The following PLXNB1 variants were observed in gnomAD, a reference collection of about 807,000 sequenced individuals.
The protein encoded by PLXNB1 is plexin-B1.
In PLXNB1, 106 loss-of-function variants were observed where a neutral mutation model predicts 209.4. That is an observed-to-expected ratio of 0.51 (90% CI 0.43 to 0.59). The LOEUF (loss-of-function observed/expected upper bound fraction) is 0.59, where lower values mean the gene tolerates loss of function less well. Ranked by LOEUF, PLXNB1 falls within the 20% of genes least tolerant of loss-of-function variation. The probability of loss-of-function intolerance (pLI) is 0.00; values close to 1 mark genes in which losing one functional copy is unlikely to be tolerated. For synonymous variants in PLXNB1, 1,167 were observed against 1,183.2 expected (o/e 0.99, Z 0.28); for missense variants, 2,357 against 2,853.2 (o/e 0.83, Z 3.96).
Position 48,417,929 on chromosome 3 carries a change from T to C in PLXNB1, c.3356A>G (p.Glu1119Gly). 1.9e-6 allele frequency: 3 copies of C among 1,611,740 alleles called. No individual in the cohort carries two copies. Among genetic ancestry groups the C allele is most frequent in the Non-Finnish European group, 2.5e-6 (3 of 1,178,858 alleles). ...AGVPCAVDAQ[E>G]YEVSSSLVCI... ...AGCTTACCTGCTGGAGACCTCGTACTCCTGGGCATCCACAGCACAGGGCAC... is the reference window on the plus strand; with the variant it reads ...AGCTTACCTGCTGGAGACCTCGTACCCCTGGGCATCCACAGCACAGGGCAC... Residue 1119 changes from glutamate (E) to glycine (G), a missense_variant, in exon 16 of 38, where the codon GAG becomes GGG. Around this residue, in one of 7 missense-constraint regions of PLXNB1, gnomAD observed 743 missense variants for 896.2 expected, o/e 0.83. Coordinates refer to ENST00000296440, the MANE Select transcript of PLXNB1 (RefSeq NM_001130082.3). The surrounding 1 kb of genome is among the most constrained non-coding windows in gnomAD (Gnocchi z 4.4).
rs372019762 is a variant in PLXNB1, at chr3:48,404,561, C to A, written c.6333G>T (p.Thr2111=). 9 of 1,613,296 alleles carry A rather than the reference C, an allele frequency of 5.6e-6. No individual in the cohort carries two copies. The highest frequency in any genetic ancestry group is 1.1e-5 in the South Asian group (1 of 91,044). The change falls in exon 38 of 38, where the codon ACG becomes ACT. Residue 2111 remains threonine, a synonymous_variant. Coordinates refer to ENST00000296440, the MANE Select transcript of PLXNB1 (RefSeq NM_001130082.3). ...QIITALEEDG[T]AQKMQLGYRL... is the part of the protein sequence containing the mutation. ...GATAGCCCAGCTGCATCTTCTGGGC[C>A]GTGCCATCCTCCTCCAGGGCAGTGA...
chr3:48,416,329 G>T lies in PLXNB1; in HGVS notation c.3480+17C>A, dbSNP rs2038099157. The T allele has an allele frequency of 6.3e-7, 1 of 1,593,162 alleles. No homozygotes were observed. The highest frequency in any genetic ancestry group is 1.7e-5 in the Admixed American group (1 of 59,620). On this transcript the variant is annotated intron_variant, in intron 17 of 37. Coordinates refer to ENST00000296440, the MANE Select transcript of PLXNB1 (RefSeq NM_001130082.3). The surrounding 1 kb of genome is among the most constrained non-coding windows in gnomAD (Gnocchi z 4.1). Reference sequence around the variant, plus strand: ...GTTGGCCCGCTGGCAGCTGGGGGTGGCTCAGCAGTCAGGTACCTGGTAGGC... The same window carrying T: ...GTTGGCCCGCTGGCAGCTGGGGGTGTCTCAGCAGTCAGGTACCTGGTAGGC...
rs992307065 is a variant in PLXNB1, at chr3:48,409,119, CACA to C, written c.6087+207_6087+209del. Among the ~76,000 whole-genome samples the C allele has an allele frequency of 7.9e-4, 120 of 152,348 alleles. 1 individual carries two copies. The highest frequency in any genetic ancestry group is 3.4e-3 in the Middle Eastern group (1 of 294). ...GCCACACCAGGCTGTACTTGCTGCA[CACA>C]ACTTCACCTGTGAATTGGCACACAG... On this transcript the variant is annotated intron_variant, in intron 34 of 37. Transcript: ENST00000296440. This position sits in a 1 kb window ranked among gnomAD's most constrained non-coding sequence, Gnocchi z 5.8.
In PLXNB1 at chr3:48,411,855, A is replaced by C. The variant is rs1196620527; in HGVS notation, c.5247+8T>G. ...CAGACTGCAGGCCACACACTTGCAC[A>C]CCCTCACCAGGGGACGGTACTCCAC... On this transcript the variant is annotated splice_region_variant and intron_variant, in intron 28 of 37. Coordinates refer to ENST00000296440, the MANE Select transcript of PLXNB1 (RefSeq NM_001130082.3). This position sits in a 1 kb window ranked among gnomAD's most constrained non-coding sequence, Gnocchi z 4.0. 1.9e-6 allele frequency: 3 copies of C among 1,613,124 alleles called. No homozygotes were observed. In the African/African-American group the frequency reaches 4.0e-5, roughly 22 times the overall value.
At position 48,409,977 on chromosome 3, in the gene PLXNB1, G is replaced by T; in HGVS notation, c.5706C>A (p.Ser1902Arg). The T allele has an allele frequency of 1.2e-6, 2 of 1,612,722 alleles. No individual in the cohort carries two copies. Among genetic ancestry groups the T allele is most frequent in the East Asian group, 2.2e-5 (1 of 44,856 alleles). ...CGCGCTCACGCTCCCCGCCCCGAAGGCTGCCCCTCCGAGGCCTGGGCGGCT... is the reference window on the plus strand; with the variant it reads ...CGCGCTCACGCTCCCCGCCCCGAAGTCTGCCCCTCCGAGGCCTGGGCGGCT... ...EPEPPRPRRGSLRGGERERAK... is the reference protein window; with the variant it reads ...EPEPPRPRRGRLRGGERERAK... The change falls in exon 32 of 38, where the codon AGC becomes AGA. Residue 1902 changes from serine (S) to arginine (R), a missense_variant. Physicochemically the swap from Ser to Arg is moderately radical, Grantham distance 110 (BLOSUM62 -1). This residue lies in a region of PLXNB1 where 414 missense variants were observed against 520.5 expected (regional missense o/e 0.80). Coordinates refer to ENST00000296440, the MANE Select transcript of PLXNB1 (RefSeq NM_001130082.3). The surrounding 1 kb of genome is among the most constrained non-coding windows in gnomAD (Gnocchi z 5.8).
rs2037831656 is a variant in PLXNB1 at position 48,413,368 on chromosome 3, GCA to G, written c.4536-201_4536-200del. The G allele has an allele frequency of 3.3e-6, 2 of 610,458 alleles. No homozygotes were observed. 37.8% of individuals were successfully genotyped at this position (610,458 alleles called of 1,614,324 possible). On this transcript the variant is annotated intron_variant, in intron 23 of 37. Coordinates refer to ENST00000296440, the MANE Select transcript of PLXNB1 (RefSeq NM_001130082.3). This position sits in a 1 kb window ranked among gnomAD's most constrained non-coding sequence, Gnocchi z 5.4. ...ACACACCCATGCCCCGTCTAGCCCA[GCA>G]CAGTTTAGCCTAGAGATCAGCCAAC... is the stretch of plus-strand genomic sequence containing the variant.
At chr3:48,427,515 G>T (rs2107033858) in intron 1 of PLXNB1, among the ~76,000 whole-genome samples, 1 of 152,166 alleles carries the variant, frequency 6.6e-6, no homozygotes, top group African/African-American at 2.4e-5. Context: ...AACTTCTCAG[G>T]ACTTTCCTTG....
In PLXNB1 at chr3:48,418,206, C is replaced by A; in HGVS notation, c.3207G>T (p.Ala1069=). The A allele has an allele frequency of 6.2e-7, 1 of 1,610,434 alleles. No homozygotes were observed. The highest frequency in any genetic ancestry group is 1.7e-5 in the Admixed American group (1 of 59,566). Residue 1069 remains alanine (A), a synonymous_variant, in exon 15 of 38, where the codon GCG becomes GCT. Transcript: ENST00000296440. This position sits in a 1 kb window ranked among gnomAD's most constrained non-coding sequence, Gnocchi z 6.6. ...EAEAVATQCP[A]PLIHSVEPLT... is the part of the protein sequence containing the mutation. ...TTCAACAAACCGAGTGGATGAGGGG[C>A]GCTGGGCACTGGGTGGCCACAGCCT... is the stretch of plus-strand genomic sequence containing the variant.
At chr3:48,428,352 C>T (rs1286650550) in intron 1 of PLXNB1, among the ~76,000 whole-genome samples, 1 of 152,122 alleles carries the variant, frequency 6.6e-6, no homozygotes, top group Non-Finnish European at 1.5e-5. Flanking sequence ...CTCAGACTCA[C>T]AGCCAAAGCC....
rs895938457 is a variant in PLXNB1 at position 48,406,530 on chromosome 3, G to A, written c.6228+293C>T. ...GCACAGCAGTGGGAAGACGCATGCA[G>A]GCAGACCCAGGCAGGCCTGGGGCTG... On this transcript the variant is annotated intron_variant, in intron 36 of 37. Transcript: ENST00000296440. This position sits in a 1 kb window ranked among gnomAD's most constrained non-coding sequence, Gnocchi z 4.4. 12 of 977,894 alleles carry A rather than the reference G, an allele frequency of 1.2e-5. No individual in the cohort carries two copies. Among genetic ancestry groups the A allele is most frequent in the Non-Finnish European group, 1.3e-5 (11 of 823,262 alleles). The allele number at this position is 977,894 out of a possible 1,614,324, so 60.6% of individuals were successfully genotyped here. A position where few individuals can be genotyped will look rare whatever the true frequency, so the allele number is the denominator to read the frequency against.
rs917342729 is a variant in PLXNB1, at chr3:48,413,916, A to G, written c.4365T>C (p.Pro1455=). Reference sequence around the variant, plus strand: ...TGACCGTGAACTCAGGCAAAGAGTCAGGTGCCTCTCGGAGGGCATGGTGCC... The same window carrying G: ...TGACCGTGAACTCAGGCAAAGAGTCGGGTGCCTCTCGGAGGGCATGGTGCC... ...LPRHHALREA[P]DSLPEFTVQM... Residue 1455 remains proline, a synonymous_variant, in exon 22 of 38, where the codon CCT becomes CCC. Coordinates refer to ENST00000296440, the MANE Select transcript of PLXNB1 (RefSeq NM_001130082.3). The surrounding 1 kb of genome is among the most constrained non-coding windows in gnomAD (Gnocchi z 5.4). 9.9e-6 allele frequency: 16 copies of G among 1,610,588 alleles called. No individual in the cohort carries two copies. In the African/African-American group the frequency reaches 1.7e-4, roughly 17 times the overall value.
At position 48,411,765 on chromosome 3, in the gene PLXNB1, A is replaced by G; in HGVS notation, c.5247+98T>C. ...CAACCCAGCTCTACATCCAGGTACCACATCAGAAGCTGGTGTCCAGACCCC... is the reference window on the plus strand; with the variant it reads ...CAACCCAGCTCTACATCCAGGTACCGCATCAGAAGCTGGTGTCCAGACCCC... On this transcript the variant is annotated intron_variant, in intron 28 of 37. Coordinates refer to ENST00000296440, the MANE Select transcript of PLXNB1 (RefSeq NM_001130082.3). This position sits in a 1 kb window ranked among gnomAD's most constrained non-coding sequence, Gnocchi z 4.0. 4 of 1,369,894 alleles carry G rather than the reference A, an allele frequency of 2.9e-6. No individual in the cohort carries two copies. The highest frequency in any genetic ancestry group is 4.1e-6 in the Non-Finnish European group (4 of 985,688). 84.9% of individuals were successfully genotyped at this position (1,369,894 alleles called of 1,614,324 possible). A position where few individuals can be genotyped will look rare whatever the true frequency, so the allele number is the denominator to read the frequency against.
chr3:48,404,452 G>T lies in PLXNB1; in HGVS notation c.*34C>A. Reference sequence around the variant, plus strand: ...GAGCTTCCAGGGCTGCCCAGGCCAGGCTGAAGCAACAGCAGGCCGTGGCTC... The same window carrying T: ...GAGCTTCCAGGGCTGCCCAGGCCAGTCTGAAGCAACAGCAGGCCGTGGCTC... On this transcript the variant is annotated 3_prime_UTR_variant, in exon 38 of 38. Transcript: ENST00000296440. 1 of 1,457,610 alleles carries T rather than the reference G, an allele frequency of 6.9e-7. No individual in the cohort carries two copies. Among genetic ancestry groups the T allele is most frequent in the Non-Finnish European group, 9.6e-7 (1 of 1,042,114 alleles). The allele number at this position is 1,457,610 out of a possible 1,614,324, so 90.3% of individuals were successfully genotyped here. A position where few individuals can be genotyped will look rare whatever the true frequency, so the allele number is the denominator to read the frequency against.
chr3:48,415,599 T>C lies in PLXNB1; in HGVS notation c.3778A>G (p.Thr1260Ala), dbSNP rs1036681741. ...GCCCAACACCTGAGGAAGCTCTTGG[T>C]GGGGCCAGCAGAGGTGATGTTGGGG... ...LDPNITSAGP[T>A]KSFLSGGREI... is the part of the protein sequence containing the mutation. Residue 1260 changes from threonine to alanine, a missense_variant, in exon 19 of 38, where the codon ACC (threonine) becomes GCC (alanine). Coordinates refer to ENST00000296440, the MANE Select transcript of PLXNB1 (RefSeq NM_001130082.3). The surrounding 1 kb of genome is among the most constrained non-coding windows in gnomAD (Gnocchi z 5.0). 3.2e-6 allele frequency: 5 copies of C among 1,581,836 alleles called. No homozygotes were observed. The African/African-American group carries it at 6.7e-5, about 21-fold the overall frequency.
rs1358523136 is a variant in PLXNB1 at position 48,404,240 on chromosome 3, A to G, written c.*246T>C. ...AAGCCCTTAGTCCCCAACTCCCTGC[A>G]GACCGGTGTCACAGGGTCGCTGGAC... On this transcript the variant is annotated 3_prime_UTR_variant, in exon 38 of 38. Transcript: ENST00000296440. 1.9e-6 allele frequency: 1 copy of G among 513,604 alleles called. No individual in the cohort carries two copies. The highest frequency in any genetic ancestry group is 3.5e-6 in the Non-Finnish European group (1 of 289,686). 31.8% of individuals were successfully genotyped at this position (513,604 alleles called of 1,614,324 possible).
In PLXNB1 at chr3:48,409,517, G is replaced by A. The variant is rs1270574899; in HGVS notation, c.5940-41C>T. On this transcript the variant is annotated intron_variant, in intron 33 of 37. Coordinates refer to ENST00000296440, the MANE Select transcript of PLXNB1 (RefSeq NM_001130082.3). This position sits in a 1 kb window ranked among gnomAD's most constrained non-coding sequence, Gnocchi z 5.8. ...GCATGGCCGATGAATGTGCTGGGGA[G>A]GCAGAAGAGAAGACCCCCCACACAC... is the stretch of plus-strand genomic sequence containing the variant. 15 of 1,613,896 alleles carry A rather than the reference G, an allele frequency of 9.3e-6. No homozygotes were observed. The highest frequency in any genetic ancestry group is 3.3e-4 in the Middle Eastern group (2 of 6,084).
rs2037710935 is a variant in PLXNB1 at position 48,411,965 on chromosome 3, C to T, written c.5145G>A (p.Lys1715=). ...EPLYMLFRGI[K]HQVDKGPVDS... ...CCACTGGCCCCTTATCCACTTGGTG[C>T]TTAATCCCTCGAAAGAGCATGTACA... Residue 1715 remains lysine, a synonymous_variant, in exon 28 of 38, where the codon AAG becomes AAA. Transcript: ENST00000296440. This position sits in a 1 kb window ranked among gnomAD's most constrained non-coding sequence, Gnocchi z 4.0. The T allele has an allele frequency of 3.1e-6, 5 of 1,614,034 alleles. No homozygotes were observed. The highest frequency in any genetic ancestry group is 2.2e-5 in the East Asian group (1 of 44,894).
Position 48,415,551 on chromosome 3 carries a change from C to T in PLXNB1, c.3794+32G>A, listed in dbSNP as rs1201915560. 1 of 1,537,016 alleles carries T rather than the reference C, an allele frequency of 6.5e-7. No individual in the cohort carries two copies. The highest frequency in any genetic ancestry group is 8.8e-7 in the Non-Finnish European group (1 of 1,134,324). ...TGGAGCTGCAAAGACCTCCCTGCCACCTGCCATGCAGCCACACCCCTGGCC... is the reference window on the plus strand; with the variant it reads ...TGGAGCTGCAAAGACCTCCCTGCCATCTGCCATGCAGCCACACCCCTGGCC... On this transcript the variant is annotated intron_variant, in intron 19 of 37. Coordinates refer to ENST00000296440, the MANE Select transcript of PLXNB1 (RefSeq NM_001130082.3). This position sits in a 1 kb window ranked among gnomAD's most constrained non-coding sequence, Gnocchi z 5.0.
At chr3:48,427,829 T>C (rs549245905) in intron 1 of PLXNB1, among the ~76,000 whole-genome samples, 1 of 152,156 alleles carries the variant, frequency 6.6e-6, no homozygotes, top group Admixed American at 6.5e-5. Flanking sequence ...CTGCATGCGG[T>C]GGACAGAATG....
Sources: gnomAD v4.1 joint callset for allele counts (sites outside exome capture counted in the v4.1 genomes callset) on GRCh38, gnomAD v4.1.1 for gene constraint, gnomAD v4.1.1 regional missense constraint, Gnocchi (gnomAD v3.1) non-coding constraint, MANE v1.5 for transcripts, NCBI Gene and HGNC (gene_info 2026-07-23, HGNC 2026-07-21) for gene names.